COL6A3: variants seen among roughly 807,000 people sequenced by gnomAD.
COL6A3 encodes collagen alpha-3(VI) chain.
In COL6A3, 137 loss-of-function variants were observed where a neutral mutation model predicts 274.1. The ratio of observed to expected loss-of-function variants is 0.50; its 90% CI spans 0.44 to 0.58. The LOEUF (loss-of-function observed/expected upper bound fraction) is 0.58, where lower values mean the gene tolerates loss of function less well. COL6A3 is among the 20% of genes least tolerant of loss of function. The pLI is 0.00. For missense variants in COL6A3, 3,950 were observed against 4,124.9 expected, an observed-to-expected ratio of 0.96 and a Z score of 1.16; for synonymous variants, 1,650 against 1,650.6, an observed-to-expected ratio of 1.00 and a Z score of 0.01.
intron 1 of COL6A3, among the ~76,000 whole-genome samples, chr2:237,397,150 G>A (rs538593812): frequency 5.5e-5 from 8 of 144,532 alleles, no homozygotes; most frequent in Non-Finnish European, 1.2e-4. Flanking sequence ...GAAGGGAAGG[G>A]AAGAGAAGGG....
chr2:237,329,401 T>A (rs1700110851), intron 42 of COL6A3: 2 of 152,362 alleles, frequency 1.3e-5, no homozygotes, highest in South Asian at 4.1e-4. Flanking sequence ...AATTTTACTC[T>A]TTCAGATCTT....
chr2:237,395,983 G>A (rs2078430853), intron 2 of COL6A3, among the ~76,000 whole-genome samples: 1 of 152,144 alleles, frequency 6.6e-6, no homozygotes, highest in South Asian at 2.1e-4. Context: ...CTTGCTGCTG[G>A]ACTCTACTTA....
chr2:237,390,032 A>C (rs2078247970), intron 3 of COL6A3, among the ~76,000 whole-genome samples: 2 of 152,208 alleles, frequency 1.3e-5, no homozygotes. Flanking sequence ...CAGAGGCTCC[A>C]CAAATTCCAC....
At chr2:237,375,464 A>G (rs11896721) in intron 7 of COL6A3, among the ~76,000 whole-genome samples, 53,953 of 152,154 alleles carry the variant, frequency 0.35, 10,903 homozygotes, top group African/African-American at 0.56. Flanking sequence ...TTAGCTTAGC[A>G]ACACTGGTTT....
rs888355749 is a variant in COL6A3, at chr2:237,361,062, C to T, written c.6210+59G>A. On this transcript the variant is annotated intron_variant, in intron 16 of 43. Coordinates refer to ENST00000295550, the MANE Select transcript of COL6A3 (RefSeq NM_004369.4). This position sits in a 1 kb window ranked among gnomAD's most constrained non-coding sequence, Gnocchi z 5.1. ...AATGATGAAATCCACAATGCAATCC[C>T]AATGGGTAAGGATCAAGGAGGGGGT... The T allele has an allele frequency of 5.1e-6, 7 of 1,365,500 alleles. No homozygotes were observed. In the African/African-American group the frequency reaches 1.0e-4, roughly 20 times the overall value. 84.6% of individuals were successfully genotyped at this position (1,365,500 alleles called of 1,614,324 possible).
chr2:237,372,390 CG>C, intron 8 of COL6A3, 53 bp from the exon 9 acceptor site: 1 of 1,599,776 alleles, frequency 6.3e-7, no homozygotes, highest in Non-Finnish European at 8.5e-7. Context: ...AAATTCTTAG[CG>C]TTCATGAGCC....
chr2:237,340,803 C>T lies in COL6A3; in HGVS notation c.8113G>A (p.Gly2705Arg), dbSNP rs2106319726. ...KEKLVDFLSR[G>R]MTQLQGTRAL... ...CTGGTTCCCTGCAACTGTGTCATTC[C>T]CCTGCTGAGGAAGTCCACCAGCTTC... The change falls in exon 38 of 44, where the codon GGA becomes AGA. Residue 2705 changes from glycine (G) to arginine (R), a missense_variant. Around this residue, in one of 5 missense-constraint regions of COL6A3, gnomAD observed 1,284 missense variants for 1,349.7 expected, o/e 0.95. Transcript: ENST00000295550. 6.2e-7 allele frequency: 1 copy of T among 1,614,192 alleles called. No individual in the cohort carries two copies. Among genetic ancestry groups the T allele is most frequent in the East Asian group, 2.2e-5 (1 of 44,886 alleles).
At chr2:237,358,026 A>G (rs1315187826) in intron 21 of COL6A3, 144 bp from the exon 22 acceptor site, 2 of 801,598 alleles carry the variant, frequency 2.5e-6, no homozygotes, top group African/African-American at 3.4e-5. Context: ...CATCCAGGTA[A>G]CATCCATGCA....
chr2:237,331,806 C>A (rs765235843), intron 42 of COL6A3, among the ~76,000 whole-genome samples: 2 of 151,032 alleles, frequency 1.3e-5, no homozygotes, highest in Non-Finnish European at 2.9e-5. Context: ...CATACACAGA[C>A]ACACACACAT....
rs555333405 is a variant in COL6A3, at chr2:237,381,283, G to A, written c.1529C>T (p.Thr510Ile). 20 of 1,614,142 alleles carry A rather than the reference G, an allele frequency of 1.2e-5. No homozygotes were observed. The highest frequency in any genetic ancestry group is 1.7e-5 in the Non-Finnish European group (20 of 1,180,060). The change falls in exon 5 of 44, where the codon ACC (threonine) becomes ATC (isoleucine). Residue 510 changes from threonine (T) to isoleucine (I), a missense_variant. Thr to Ile is a moderately conservative substitution (Grantham distance 89, BLOSUM62 -1). Coordinates refer to ENST00000295550, the MANE Select transcript of COL6A3 (RefSeq NM_004369.4). Reference protein sequence around the residue: ...NTHPTKREVITAVRKMKPLDG... With the variant: ...NTHPTKREVIIAVRKMKPLDG... ...CAGGGGCTTCATTTTCCGCACAGCGGTTATGACTTCCCTTTTTGTTGGATG... is the reference window on the plus strand; with the variant it reads ...CAGGGGCTTCATTTTCCGCACAGCGATTATGACTTCCCTTTTTGTTGGATG...
intron 1 of COL6A3, among the ~76,000 whole-genome samples, chr2:237,409,304 T>C (rs113082599): frequency 0.043 from 6,596 of 152,218 alleles, 298 homozygotes; most frequent in African/African-American, 0.11. Flanking sequence ...TATTATTTTA[T>C]TATTATTATA....
At chr2:237,385,048 G>A (rs559656084) in intron 4 of COL6A3, among the ~76,000 whole-genome samples, 19 of 152,168 alleles carry the variant, frequency 1.2e-4, no homozygotes, top group South Asian at 1.0e-3. Context: ...ATCTGCCTTC[G>A]GTTCCACACC....
At chr2:237,373,509 C>A (rs2077748329) in intron 8 of COL6A3, among the ~76,000 whole-genome samples, 3 of 152,164 alleles carry the variant, frequency 2.0e-5, no homozygotes, top group Non-Finnish European at 2.9e-5. Context: ...AAACCAAGCC[C>A]CTCTCAGTTG....
chr2:237,336,744 C>G (rs1211726689), intron 39 of COL6A3, among the ~76,000 whole-genome samples: 1 of 152,036 alleles, frequency 6.6e-6, no homozygotes, highest in Non-Finnish European at 1.5e-5. Context: ...AAAAATAGAA[C>G]CATTAAAAAT....
intron 3 of COL6A3, among the ~76,000 whole-genome samples, chr2:237,389,324 A>G (rs2078231439): frequency 6.6e-6 from 1 of 152,168 alleles, no homozygotes; most frequent in African/African-American, 2.4e-5. Context: ...ATTCTAGTCG[A>G]TGTTTTTGAT....
At chr2:237,391,569 G>A (rs1346623905) in intron 3 of COL6A3, among the ~76,000 whole-genome samples, 1 of 152,024 alleles carries the variant, frequency 6.6e-6, no homozygotes, top group Non-Finnish European at 1.5e-5. Context: ...TTTCACTCTT[G>A]TCACCCAGAC....
Position 237,340,762 on chromosome 2 carries a change from G to A in COL6A3, c.8154C>T (p.Ala2718=), listed in dbSNP as rs1377643331. ...AGACATTCTCTATGGTGTATTCAAT[G>A]GCACTGCCTAAGGCCCTGGTTCCCT... ...QLQGTRALGS[A]IEYTIENVFE... is the part of the protein sequence containing the mutation. Residue 2718 remains alanine (A), a synonymous_variant, in exon 38 of 44, where the codon GCC becomes GCT. Transcript: ENST00000295550. 2 of 1,614,122 alleles carry A rather than the reference G, an allele frequency of 1.2e-6. No homozygotes were observed. Among genetic ancestry groups the A allele is most frequent in the South Asian group, 2.2e-5 (2 of 91,074 alleles).
chr2:237,374,905 C>A lies in COL6A3; in HGVS notation c.3186G>T (p.Gln1062His), dbSNP rs2077794944. The A allele has an allele frequency of 6.2e-7, 1 of 1,613,836 alleles. No individual in the cohort carries two copies. The highest frequency in any genetic ancestry group is 1.7e-5 in the Admixed American group (1 of 59,988). The stretch of plus-strand genomic sequence containing the variant: ...GCACCACGGCCACGCGGACCCGGTC[C>A]TGGCCCACATCCAGGCTTTCCACCA... ...QRVVESLDVG[Q>H]DRVRVAVVQY... The change falls in exon 8 of 44, where the codon CAG (glutamine) becomes CAT (histidine). Residue 1062 changes from glutamine to histidine, a missense_variant. By Grantham distance (24) the Gln-to-His change is conservative. Coordinates refer to ENST00000295550, the MANE Select transcript of COL6A3 (RefSeq NM_004369.4). This position sits in a 1 kb window ranked among gnomAD's most constrained non-coding sequence, Gnocchi z 4.8.
intron 42 of COL6A3, 58 bp downstream of exon 42, chr2:237,333,392 G>C: frequency 6.7e-7 from 1 of 1,503,312 alleles, no homozygotes; most frequent in Non-Finnish European, 9.3e-7. Flanking sequence ...AGTTAAATTG[G>C]AATCAAGATG....
Sources: allele counts gnomAD v4.1 joint callset (sites outside exome capture counted in the v4.1 genomes callset), GRCh38; gene constraint gnomAD v4.1.1; regional missense constraint gnomAD v4.1.1; non-coding constraint Gnocchi (gnomAD v3.1); transcripts MANE v1.5; gene names NCBI Gene and HGNC (gene_info 2026-07-23, HGNC 2026-07-21).